DMD: variants seen among roughly 807,000 people sequenced by gnomAD.
The protein encoded by DMD is mutant dystrophin.
A neutral mutation model predicts 330.1 loss-of-function variants in DMD; 63 were observed. That is an observed-to-expected ratio of 0.19 (90% CI 0.16 to 0.24). The LOEUF (loss-of-function observed/expected upper bound fraction) is 0.24. DMD is among the 10% of genes least tolerant of loss of function. The probability of loss-of-function intolerance (pLI) is 1.00; values close to 1 mark genes in which losing one functional copy is unlikely to be tolerated. For synonymous variants in DMD, 1,223 were observed against 959.8 expected, an observed-to-expected ratio of 1.27 and a Z score of -5.07; for missense variants, 3,344 against 2,684.1, an observed-to-expected ratio of 1.25 and a Z score of -5.43.
intron 49 of DMD, among the ~76,000 whole-genome samples, chrX:31,834,866 A>G (rs978913956): frequency 1.2e-4 from 13 of 111,674 alleles, no homozygotes; most frequent in African/African-American, 4.2e-4. Flanking sequence ...GGAAGGAGAA[A>G]AAAAAAAAGG....
chrX:32,343,579 T>C (rs187488419), intron 39 of DMD, among the ~76,000 whole-genome samples: 158 of 111,559 alleles, frequency 1.4e-3, no homozygotes, highest in Admixed American at 2.3e-3. Flanking sequence ...AGCTAACTGT[T>C]GTGTAGTTTA....
chrX:31,204,018 T>C lies in DMD; in HGVS notation c.9750A>G (p.Glu3250=). Residue 3250 remains glutamate (E), a synonymous_variant, in exon 67 of 79, where the codon GAA becomes GAG. Transcript: ENST00000357033. ...DSIQIPRQLG[E]VASFGGSNIE... ...TGTTACTGCCCCCAAAGGATGCAAC[T>C]TCACCCAACTGTCTTGGAATTTGGA... 1 of 1,210,736 alleles carries C rather than the reference T, an allele frequency of 8.3e-7. No individual in the cohort carries two copies. Among genetic ancestry groups the C allele is most frequent in the African/African-American group, 1.7e-5 (1 of 57,889 alleles).
At chrX:32,807,122 T>TTAAAAAAAAAAA (rs1345640031) in intron 7 of DMD, among the ~76,000 whole-genome samples, 9 of 20,739 alleles carry the variant, frequency 4.3e-4, no homozygotes, top group African/African-American at 1.5e-3. Context: ...CGGAAACATT[T>TTAAAAAAAAAAA]AAAAAAAAAA....
intron 2 of DMD, among the ~76,000 whole-genome samples, chrX:32,998,470 T>A (rs1431384849): frequency 9.1e-6 from 1 of 110,167 alleles, no homozygotes; most frequent in African/African-American, 3.3e-5. Flanking sequence ...TTTAGCAAAT[T>A]GTTTACCTGA....
At chrX:32,114,778 A>ACAT (rs2096603433) in intron 44 of DMD, among the ~76,000 whole-genome samples, 1 of 112,537 alleles carries the variant, frequency 8.9e-6, no homozygotes, top group East Asian at 2.8e-4. Flanking sequence ...AATGGATACA[A>ACAT]CATAGTAGAT....
At chrX:32,870,429 C>G (rs2149136107) in intron 2 of DMD, among the ~76,000 whole-genome samples, 1 of 112,063 alleles carries the variant, frequency 8.9e-6, no homozygotes, top group East Asian at 2.8e-4. Context: ...AAAAAGAAAA[C>G]TGTTTTAAAA....
intron 47 of DMD, among the ~76,000 whole-genome samples, chrX:31,878,740 C>G (rs1050975419): frequency 8.9e-6 from 1 of 112,014 alleles, no homozygotes; most frequent in African/African-American, 3.2e-5. Context: ...AAAGAAAATA[C>G]AAAGGATTTT....
At chrX:33,191,296 C>T (rs925101383) in intron 1 of DMD, among the ~76,000 whole-genome samples, 10 of 108,281 alleles carry the variant, frequency 9.2e-5, no homozygotes. Context: ...CATTGGTCTG[C>T]AAGAGTTTTC....
intron 55 of DMD, among the ~76,000 whole-genome samples, chrX:31,517,918 A>AACAC (rs372551324): frequency 0.019 from 1,742 of 89,599 alleles, 15 homozygotes; most frequent in African/African-American, 0.028. Flanking sequence ...CTGTGTTTCA[A>AACAC]ACACACACAC....
At chrX:31,428,445 A>G (rs1381222292) in intron 60 of DMD, among the ~76,000 whole-genome samples, 1 of 112,060 alleles carries the variant, frequency 8.9e-6, no homozygotes, top group Non-Finnish European at 1.9e-5. Context: ...CAGAACCATG[A>G]GCCAATGAAA....
chrX:32,219,936 CT>C (rs2097126559), intron 43 of DMD, among the ~76,000 whole-genome samples: 1 of 60,955 alleles, frequency 1.6e-5, no homozygotes, highest in Non-Finnish European at 3.4e-5. Flanking sequence ...AATTCTTTTC[CT>C]TTTTACAAGT....
At chrX:32,878,061 G>T (rs1181581282) in intron 2 of DMD, among the ~76,000 whole-genome samples, 1 of 112,140 alleles carries the variant, frequency 8.9e-6, no homozygotes, top group East Asian at 2.8e-4. Context: ...AGTAATAAAG[G>T]CATCAGATTT....
chrX:31,599,007 G>A (rs1317277493), intron 55 of DMD, among the ~76,000 whole-genome samples: 1 of 111,717 alleles, frequency 9.0e-6, no homozygotes, highest in African/African-American at 3.2e-5. Context: ...AAATTGAAGA[G>A]CTTTTTAAAA....
chrX:32,687,455 A>T (rs1343571493), intron 9 of DMD, among the ~76,000 whole-genome samples: 1 of 111,882 alleles, frequency 8.9e-6, no homozygotes, highest in South Asian at 3.7e-4. Flanking sequence ...TGACTATGGA[A>T]GAAGTTATAC....
chrX:32,820,815 T>G (rs1236008249), intron 5 of DMD, among the ~76,000 whole-genome samples: 2 of 112,138 alleles, frequency 1.8e-5, no homozygotes, highest in African/African-American at 3.2e-5. Flanking sequence ...AGAGTACCAT[T>G]TATGTCTAAT....
chrX:31,480,556 G>T (rs1282058894), intron 57 of DMD, among the ~76,000 whole-genome samples: 3 of 56,515 alleles, frequency 5.3e-5, no homozygotes, highest in Admixed American at 1.7e-4. Context: ...CTCCATGTTT[G>T]TGTGTGTGTG....
intron 44 of DMD, among the ~76,000 whole-genome samples, chrX:32,095,906 A>G (rs2096502202): frequency 1.8e-5 from 1 of 54,861 alleles, no homozygotes; most frequent in Non-Finnish European, 3.4e-5. Flanking sequence ...GTTGATTATA[A>G]GTTTTTTTTT....
At chrX:32,068,587 T>C (rs1223409077) in intron 44 of DMD, among the ~76,000 whole-genome samples, 16 of 110,562 alleles carry the variant, frequency 1.4e-4, no homozygotes, top group African/African-American at 4.3e-4. Context: ...GTTTTATTTA[T>C]GTGTTCTCTA....
chrX:31,361,665 T>C (rs2058941717), intron 60 of DMD, among the ~76,000 whole-genome samples: 1 of 111,736 alleles, frequency 8.9e-6, no homozygotes, highest in Non-Finnish European at 1.9e-5. Context: ...CCATTTGTGA[T>C]ATAATCTTAA....
Sources: gnomAD v4.1 joint callset for allele counts (sites outside exome capture counted in the v4.1 genomes callset) on GRCh38, gnomAD v4.1.1 for gene constraint, MANE v1.5 for transcripts, NCBI Gene and HGNC (gene_info 2026-07-23, HGNC 2026-07-21) for gene names.